Variants in PABPC4 observed in about 807,000 individuals in gnomAD.
The protein encoded by PABPC4 is polyadenylate-binding protein 4.
PABPC4 carries 15 observed loss-of-function variants against 74.5 expected under a neutral mutation model. That is an observed-to-expected ratio of 0.20 (90% CI 0.13 to 0.31). The LOEUF is 0.31. PABPC4 is among the 10% of genes least tolerant of loss of function. The pLI, the probability that PABPC4 is intolerant of heterozygous loss-of-function variation, is 1.00. For synonymous variants in PABPC4, 345 were observed against 303.0 expected (o/e 1.14, Z -1.44); for missense variants, 610 against 853.5 (o/e 0.71, Z 3.55).
intron 7 of PABPC4, among the ~76,000 whole-genome samples, chr1:39,565,868 A>AAAAC (rs1645830850): frequency 6.9e-6 from 1 of 144,842 alleles, no homozygotes; most frequent in African/African-American, 2.6e-5. Flanking sequence ...CAAAACAAAA[A>AAAAC]CACCAACCAA....
chr1:39,563,548 CAGCTTCTTTTACATCA>C, intron 12 of PABPC4, 50 bp downstream of exon 12: 1 of 1,566,560 alleles, frequency 6.4e-7, no homozygotes, highest in Admixed American at 1.8e-5. Context: ...ATCAAAAGCA[CAGCTTCTTTTACATCA>C]AGTGGAAATG....
Position 39,569,767 on chromosome 1 carries a change from C to T in PABPC4, c.644-78G>A, listed in dbSNP as rs896908843. 3.8e-6 allele frequency: 6 copies of T among 1,585,812 alleles called. No homozygotes were observed. The Admixed American group carries it at 1.0e-4, about 27-fold the overall frequency. ...AACAGAAGGCTTCCCTCTGGAAACT[C>T]ACTTGAAGCAAATCTCTGGAGCAGT... On this transcript the variant is annotated intron_variant, in intron 4 of 15. Transcript: ENST00000372858.
chr1:39,569,921 G>C lies in PABPC4; in HGVS notation c.585C>G (p.Ile195Met). The C allele has an allele frequency of 6.2e-7, 1 of 1,614,018 alleles. No individual in the cohort carries two copies. Residue 195 changes from isoleucine to methionine, a missense_variant, in exon 4 of 16, where the codon ATC (isoleucine) becomes ATG (methionine). This residue lies in a region of PABPC4 where 304 missense variants were observed against 478.9 expected (regional missense o/e 0.63). Coordinates refer to ENST00000372858, the MANE Select transcript of PABPC4 (RefSeq NM_001135653.2). ...AKAKEFTNVYIKNFGEEVDDE... is the reference protein window; with the variant it reads ...AKAKEFTNVYMKNFGEEVDDE... ...CATCCACCTCTTCCCCAAAGTTTTTGATATAAACATTGGTGAATTCCTTGG... is the reference window on the plus strand; with the variant it reads ...CATCCACCTCTTCCCCAAAGTTTTTCATATAAACATTGGTGAATTCCTTGG...
intron 7 of PABPC4, 60 bp from the exon 8 acceptor site, chr1:39,565,438 G>A (rs757705534): frequency 1.7e-5 from 26 of 1,534,316 alleles, no homozygotes; most frequent in Non-Finnish European, 2.2e-5. Context: ...GTGATGGCTT[G>A]TGCCTGTAAT....
chr1:39,576,170 G>A lies in PABPC4; in HGVS notation c.-219C>T. 2.1e-6 allele frequency: 1 copy of A among 471,314 alleles called. No individual in the cohort carries two copies. 29.2% of individuals were successfully genotyped at this position (471,314 alleles called of 1,614,324 possible). A position where few individuals can be genotyped will look rare whatever the true frequency, so the allele number is the denominator to read the frequency against. ...CAGCACCGCAGACAAAAGGCTCTCC[G>A]CACAATACGGCCCTCCCCGCGACTT... On this transcript the variant is annotated 5_prime_UTR_variant, in exon 1 of 16. Transcript: ENST00000372858.
rs1452014341 is a variant in PABPC4 at position 39,576,056 on chromosome 1, A to G, written c.-105T>C. The G allele has an allele frequency of 2.6e-6, 2 of 771,534 alleles. No homozygotes were observed. Among genetic ancestry groups the G allele is most frequent in the African/African-American group, 3.7e-5 (2 of 54,314 alleles). 47.8% of individuals were successfully genotyped at this position (771,534 alleles called of 1,614,324 possible). A position where few individuals can be genotyped will look rare whatever the true frequency, so the allele number is the denominator to read the frequency against. ...AGCCCGGGCCCGCGCCGCGGCTCACAGGTGGCACCGGCGCGGCGAGGACGA... is the reference window on the plus strand; with the variant it reads ...AGCCCGGGCCCGCGCCGCGGCTCACGGGTGGCACCGGCGCGGCGAGGACGA... On this transcript the variant is annotated 5_prime_UTR_variant, in exon 1 of 16. Coordinates refer to ENST00000372858, the MANE Select transcript of PABPC4 (RefSeq NM_001135653.2).
chr1:39,574,449 G>A (rs1469277066), intron 1 of PABPC4, among the ~76,000 whole-genome samples: 1 of 152,246 alleles, frequency 6.6e-6, no homozygotes, highest in Admixed American at 6.5e-5. Flanking sequence ...TGTGTTGGCA[G>A]ACACACTGAC....
At position 39,570,471 on chromosome 1, in the gene PABPC4, T is replaced by C. The variant is rs903458450; in HGVS notation, c.504-469A>G. The C allele has an allele frequency of 4.5e-5, 7 of 156,908 alleles. No individual in the cohort carries two copies. In the Middle Eastern group the frequency reaches 0.013, roughly 299 times the overall value. 9.7% of individuals were successfully genotyped at this position (156,908 alleles called of 1,614,324 possible). A position where few individuals can be genotyped will look rare whatever the true frequency, so the allele number is the denominator to read the frequency against. On this transcript the variant is annotated intron_variant, in intron 3 of 15. Transcript: ENST00000372858. ...ATCCATGCACTGACATTTTTGTATT[T>C]CTTTTTAGTGATATCTGTAGATCAA... is the stretch of plus-strand genomic sequence containing the variant.
chr1:39,564,841 T>C, intron 8 of PABPC4, 68 bp from the exon 9 acceptor site: 1 of 1,227,234 alleles, frequency 8.1e-7, no homozygotes, highest in East Asian at 2.3e-5. Context: ...GTATCTCATC[T>C]CATCTCACTA....
intron 5 of PABPC4, among the ~76,000 whole-genome samples, chr1:39,569,282 A>C (rs1645899674): frequency 6.6e-6 from 1 of 152,210 alleles, no homozygotes; most frequent in Non-Finnish European, 1.5e-5. Context: ...TGCTTTGCCC[A>C]CAAGTAGCTG....
intron 14 of PABPC4, 118 bp downstream of exon 14, chr1:39,561,955 T>C: frequency 7.9e-7 from 1 of 1,272,908 alleles, no homozygotes; most frequent in Non-Finnish European, 1.1e-6. Context: ...AGTCAAGGCA[T>C]GACGAGAGGG....
At chr1:39,564,818 C>G in intron 8 of PABPC4, 45 bp from the exon 9 acceptor site, 1 of 1,432,742 alleles carries the variant, frequency 7.0e-7, no homozygotes, top group Non-Finnish European at 9.8e-7. Flanking sequence ...AGGACTGAAC[C>G]CATCCTAGAG....
chr1:39,561,226 C>T (rs1333519778), intron 15 of PABPC4, 104 bp from the exon 16 acceptor site: 1 of 444,128 alleles, frequency 2.3e-6, no homozygotes, highest in Non-Finnish European at 4.6e-6. Context: ...GTTTCTCAAC[C>T]TCAGTGCTAT....
rs1645953460 is a variant in PABPC4, at chr1:39,572,303, C to G, written c.387+90G>C. 8 of 1,009,688 alleles carry G rather than the reference C, an allele frequency of 7.9e-6. No individual in the cohort carries two copies. In the East Asian group the frequency reaches 2.0e-4, roughly 25 times the overall value. 62.5% of individuals were successfully genotyped at this position (1,009,688 alleles called of 1,614,324 possible). On this transcript the variant is annotated intron_variant, in intron 2 of 15. Transcript: ENST00000372858. ...TTTTGAAAATTCCCATATCTTGTTC[C>G]CCAATTCCAAGATAGTTCTCTGTTT...
At chr1:39,564,651 T>C (rs1377404144) in intron 9 of PABPC4, 35 bp downstream of exon 9, 2 of 1,610,300 alleles carry the variant, frequency 1.2e-6, no homozygotes, top group Admixed American at 3.3e-5. Flanking sequence ...GACAGGTATA[T>C]CCTGGGCTGT....
At chr1:39,561,970 T>C (rs1461496169) in intron 14 of PABPC4, 103 bp downstream of exon 14, 7 of 1,389,556 alleles carry the variant, frequency 5.0e-6, no homozygotes, top group Admixed American at 3.8e-5. Context: ...AGAGGGGTCC[T>C]GGGGGCAGCA....
Position 39,575,766 on chromosome 1 carries a change from C to T in PABPC4, c.186G>A (p.Pro62=), listed in dbSNP as rs1646016374. Residue 62 remains proline (P), a synonymous_variant, in exon 1 of 16, where the codon CCG becomes CCA. Transcript: ENST00000372858. The part of the protein sequence containing the change: ...LGYAYVNFQQ[P]ADAERALDTM... ...GGCACAGCTTCTACTCACCGTCGGC[C>T]GGCTGCTGGAAGTTGACGTAGGCAT... The T allele has an allele frequency of 1.9e-6, 3 of 1,592,726 alleles. No individual in the cohort carries two copies. The highest frequency in any genetic ancestry group is 2.6e-6 in the Non-Finnish European group (3 of 1,168,242).
intron 6 of PABPC4, 40 bp downstream of exon 6, chr1:39,568,762 C>T: frequency 6.3e-7 from 1 of 1,593,034 alleles, no homozygotes; most frequent in Non-Finnish European, 8.6e-7. Context: ...AAATATTTCA[C>T]AGCAAATCCC....
At position 39,562,382 on chromosome 1, in the gene PABPC4, T is replaced by C. The variant is rs1445677926; in HGVS notation, c.1703A>G (p.Glu568Gly). The change falls in exon 13 of 16, where the codon GAG becomes GGG. Residue 568 changes from glutamate (E) to glycine (G), a missense_variant. By Grantham distance (98) the Glu-to-Gly change is moderately conservative. This residue lies in a region of PABPC4 where 277 missense variants were observed against 301.8 expected (regional missense o/e 0.92). Transcript: ENST00000372858. ...AGCCAGCATGGAGGCAGTCAGTGGC[T>C]CCTGCCCCTGCACATGGACCGCAGG... is the stretch of plus-strand genomic sequence containing the variant. ...PQPAVHVQGQ[E>G]PLTASMLAAA... The C allele has an allele frequency of 6.2e-7, 1 of 1,613,912 alleles. No individual in the cohort carries two copies. Among genetic ancestry groups the C allele is most frequent in the African/African-American group, 1.3e-5 (1 of 75,046 alleles).
Sources: allele counts gnomAD v4.1 joint callset (sites outside exome capture counted in the v4.1 genomes callset), GRCh38; gene constraint gnomAD v4.1.1; regional missense constraint gnomAD v4.1.1; transcripts MANE v1.5; gene names NCBI Gene and HGNC (gene_info 2026-07-23, HGNC 2026-07-21).